ATP2B2: variants seen among roughly 807,000 people sequenced by gnomAD.
ATP2B2 encodes plasma membrane calcium-transporting ATPase 2.
Under a neutral mutation model 120.0 loss-of-function variants are expected in ATP2B2, and 15 were observed. The ratio of observed to expected loss-of-function variants is 0.12; its 90% CI spans 0.08 to 0.19. ATP2B2 has a LOEUF of 0.19. Ranked by LOEUF, ATP2B2 falls within the 10% of genes least tolerant of loss-of-function variation. The pLI, the probability that ATP2B2 is intolerant of heterozygous loss-of-function variation, is 1.00. For synonymous variants in ATP2B2, 694 were observed against 700.3 expected, an observed-to-expected ratio of 0.99 and a Z score of 0.14; for missense variants, 1,045 against 1,719.8, an observed-to-expected ratio of 0.61 and a Z score of 6.94.
chr3:10,626,658 T>A (rs2069710890), intron 1 of ATP2B2: 1 of 151,898 alleles, frequency 6.6e-6, no homozygotes, highest in Non-Finnish European at 1.5e-5. Context: ...GAGAGGCTGA[T>A]AAATGAATAG....
Position 10,346,048 on chromosome 3 carries a change from C to T in ATP2B2, c.2494G>A (p.Asp832Asn). 8 of 1,611,984 alleles carry T rather than the reference C, an allele frequency of 5.0e-6. No individual in the cohort carries two copies. Among genetic ancestry groups the T allele is most frequent in the Non-Finnish European group, 6.8e-6 (8 of 1,179,958 alleles). ...TNDGPALKKA[D>N]VGFAMGIAGT... ...GTTCCTACCATGGCGAAGCCCACGTCGGCCTTCTTGAGTGCAGGCCCGTCG... is the reference window on the plus strand; with the variant it reads ...GTTCCTACCATGGCGAAGCCCACGTTGGCCTTCTTGAGTGCAGGCCCGTCG... The change falls in exon 17 of 23, where the codon GAC (aspartate) becomes AAC (asparagine). Residue 832 changes from aspartate (D) to asparagine (N), a missense_variant. By Grantham distance (23) the Asp-to-Asn change is conservative. Transcript: ENST00000360273. This position sits in a 1 kb window ranked among gnomAD's most constrained non-coding sequence, Gnocchi z 4.1.
At chr3:10,378,553 G>A in intron 9 of ATP2B2, 143 bp from the exon 10 acceptor site, 2 of 1,131,364 alleles carry the variant, frequency 1.8e-6, no homozygotes, top group Non-Finnish European at 2.5e-6. Flanking sequence ...CGCATGGCTG[G>A]TGCAGAAGTC....
rs569658536 is a variant in ATP2B2, at chr3:10,556,304, A to C, written c.-414-22171T>G. On this transcript the variant is annotated intron_variant, in intron 2 of 21. Coordinates refer to the ATP2B2 transcript ENST00000646379. ...GACTGCTCTCAAATTTTTACTGAGC[A>C]CCTAGTAGGTATTAGGCTCTCCACT... Among the ~76,000 whole-genome samples the C allele has an allele frequency of 4.6e-5, 7 of 152,356 alleles. No individual in the cohort carries two copies. In the South Asian group the frequency reaches 1.4e-3, roughly 32 times the overall value.
intron 1 of ATP2B2, among the ~76,000 whole-genome samples, chr3:10,667,639 A>T (rs1423398775): frequency 6.6e-6 from 1 of 152,000 alleles, no homozygotes; most frequent in African/African-American, 2.4e-5. Context: ...TCAGCAGGAC[A>T]AGTGAAGGTA....
intron 3 of ATP2B2, among the ~76,000 whole-genome samples, chr3:10,408,734 T>C (rs1432984824): frequency 6.6e-6 from 1 of 152,110 alleles, no homozygotes; most frequent in African/African-American, 2.4e-5. Flanking sequence ...GTCTAGAGGG[T>C]GAGAAGCTCC....
intron 2 of ATP2B2, among the ~76,000 whole-genome samples, chr3:10,567,727 G>A (rs750182701): frequency 1.3e-4 from 20 of 152,198 alleles, no homozygotes; most frequent in Admixed American, 2.6e-4. Context: ...CATGGAACAT[G>A]GGGAATGTGT....
intron 1 of ATP2B2, among the ~76,000 whole-genome samples, chr3:10,475,782 C>T (rs1368987975): frequency 2.0e-5 from 3 of 152,182 alleles, no homozygotes; most frequent in African/African-American, 7.2e-5. Context: ...AAGCCAAAGC[C>T]CCCTTCCCCG....
At chr3:10,439,851 G>GATCAAGTGA (rs1162508384) in intron 2 of ATP2B2, among the ~76,000 whole-genome samples, 1 of 108,892 alleles carries the variant, frequency 9.2e-6, no homozygotes, top group African/African-American at 2.8e-5. Context: ...TGCCTCCCGG[G>GATCAAGTGA]TTCAAGTGAT....
At chr3:10,573,883 G>A (rs902698132) in intron 2 of ATP2B2, among the ~76,000 whole-genome samples, 4 of 152,110 alleles carry the variant, frequency 2.6e-5, no homozygotes, top group African/African-American at 9.7e-5. Flanking sequence ...CAGCAAATAC[G>A]GCGTCTGCCT....
intron 12 of ATP2B2, among the ~76,000 whole-genome samples, chr3:10,367,130 C>T (rs1212621204): frequency 1.3e-5 from 2 of 152,140 alleles, no homozygotes; most frequent in Non-Finnish European, 2.9e-5. Context: ...CACTGGCTCC[C>T]CCCATTTCTC....
intron 11 of ATP2B2, among the ~76,000 whole-genome samples, chr3:10,374,027 GCTCTC>G (rs1329530583): frequency 6.6e-6 from 1 of 152,176 alleles, no homozygotes; most frequent in Non-Finnish European, 1.5e-5. Context: ...GTGTTGGGGT[GCTCTC>G]CTAAGTTTAT....
At chr3:10,614,056 C>G (rs1249000232) in intron 2 of ATP2B2, among the ~76,000 whole-genome samples, 1 of 152,054 alleles carries the variant, frequency 6.6e-6, no homozygotes, top group African/African-American at 2.4e-5. Context: ...CTTCCCTGAG[C>G]ACCTTATATA....
intron 1 of ATP2B2, among the ~76,000 whole-genome samples, chr3:10,479,945 A>G (rs1488479329): frequency 6.6e-6 from 1 of 152,154 alleles, no homozygotes; most frequent in East Asian, 1.9e-4. Context: ...AATTACAAAA[A>G]TTAGCCAGGC....
chr3:10,340,801 C>G lies in ATP2B2; in HGVS notation c.2918-97G>C. 1 of 1,221,392 alleles carries G rather than the reference C, an allele frequency of 8.2e-7. No individual in the cohort carries two copies. Among genetic ancestry groups the G allele is most frequent in the Non-Finnish European group, 1.2e-6 (1 of 839,532 alleles). The allele number at this position is 1,221,392 out of a possible 1,614,324, so 75.7% of individuals were successfully genotyped here. On this transcript the variant is annotated intron_variant, in intron 19 of 22. Coordinates refer to ENST00000360273, the MANE Select transcript of ATP2B2 (RefSeq NM_001001331.4). The surrounding 1 kb of genome is among the most constrained non-coding windows in gnomAD (Gnocchi z 5.0). ...CGTGGGGGCCTCTTCTGAGCAGTGACGTGAATCCCCAAGACATCAAGGCAT... is the reference window on the plus strand; with the variant it reads ...CGTGGGGGCCTCTTCTGAGCAGTGAGGTGAATCCCCAAGACATCAAGGCAT...
Position 10,329,253 on chromosome 3 carries a change from T to A in ATP2B2, c.3421-128A>T. On this transcript the variant is annotated intron_variant, in intron 22 of 22. Coordinates refer to ENST00000360273, the MANE Select transcript of ATP2B2 (RefSeq NM_001001331.4). This position sits in a 1 kb window ranked among gnomAD's most constrained non-coding sequence, Gnocchi z 5.9. ...GTGGCTGGAATCCATAGTCGCTGGGTGTTATTAGCATTGACAGGATGGGGG... is the reference window on the plus strand; with the variant it reads ...GTGGCTGGAATCCATAGTCGCTGGGAGTTATTAGCATTGACAGGATGGGGG... The A allele has an allele frequency of 1.1e-6, 1 of 923,414 alleles. No individual in the cohort carries two copies. Among genetic ancestry groups the A allele is most frequent in the Non-Finnish European group, 1.7e-6 (1 of 574,540 alleles). 57.2% of individuals were successfully genotyped at this position (923,414 alleles called of 1,614,324 possible). A position where few individuals can be genotyped will look rare whatever the true frequency, so the allele number is the denominator to read the frequency against.
At chr3:10,332,368 T>G in intron 22 of ATP2B2, 1 of 334,128 alleles carries the variant, frequency 3.0e-6, no homozygotes, top group Non-Finnish European at 5.7e-6. Context: ...AGAGCAGGAC[T>G]TCCACTGATA....
intron 10 of ATP2B2, 88 bp downstream of exon 10, chr3:10,378,164 T>G: frequency 4.1e-5 from 62 of 1,521,024 alleles, no homozygotes; most frequent in Non-Finnish European, 5.1e-5. Context: ...ACTTTGCAGA[T>G]GAGGTAACTG....
At position 10,545,051 on chromosome 3, in the gene ATP2B2, G is replaced by A. The variant is rs80183784; in HGVS notation, c.-414-10918C>T. ...ATGGCAGGGAATATTGCACAGCTAC[G>A]AAAATGCATAAACCACACCTGCAGG... is the stretch of plus-strand genomic sequence containing the variant. On this transcript the variant is annotated intron_variant, in intron 2 of 21. Transcript: ENST00000646379. Among the ~76,000 whole-genome samples, 1,248 of 152,246 alleles carry A rather than the reference G, an allele frequency of 8.2e-3. 24 individuals are homozygous for A. Among genetic ancestry groups the A allele is most frequent in the East Asian group, 0.033 (171 of 5,180 alleles).
At chr3:10,653,360 C>A (rs998502599) in intron 1 of ATP2B2, among the ~76,000 whole-genome samples, 2 of 152,186 alleles carry the variant, frequency 1.3e-5, no homozygotes, top group African/African-American at 2.4e-5. Flanking sequence ...TCTTCATTGG[C>A]TGTGGGTGAA....
Sources: gnomAD v4.1 joint callset for allele counts (sites outside exome capture counted in the v4.1 genomes callset) on GRCh38, gnomAD v4.1.1 for gene constraint, Gnocchi (gnomAD v3.1) non-coding constraint, MANE v1.5 for transcripts, NCBI Gene and HGNC (gene_info 2026-07-23, HGNC 2026-07-21) for gene names.